TPO: variants seen among roughly 807,000 people sequenced by gnomAD.
TPO encodes thyroid peroxidase, also known as thyroid microsomal antigen.
In TPO, 78 loss-of-function variants were observed where a neutral mutation model predicts 96.9. That is an observed-to-expected ratio of 0.81 (90% CI 0.67 to 0.97). TPO has a LOEUF of 0.97. Among genes scored for constraint, TPO ranks in the 50% least tolerant of loss-of-function variants. The pLI, the probability that TPO is intolerant of heterozygous loss-of-function variation, is 0.00. For missense variants in TPO, 1,252 were observed against 1,274.8 expected (o/e 0.98, Z 0.27); for synonymous variants, 547 against 538.0 (o/e 1.02, Z -0.23).
chr2:1,531,240 C>A (rs1195971195), intron 15 of TPO, among the ~76,000 whole-genome samples: 9 of 130,212 alleles, frequency 6.9e-5, no homozygotes, highest in Non-Finnish European at 9.7e-5. Context: ...TGTGTGCAAC[C>A]GCCTCATATT....
At chr2:1,403,723 A>G (rs910313403) in intron 1 of TPO, among the ~76,000 whole-genome samples, 1 of 152,146 alleles carries the variant, frequency 6.6e-6, no homozygotes, top group Non-Finnish European at 1.5e-5. Context: ...CGGCTCACAG[A>G]TGGCTCCATC....
chr2:1,540,454 A>T, intron 15 of TPO, 140 bp from the exon 16 acceptor site: 1 of 1,577,140 alleles, frequency 6.3e-7, no homozygotes. Flanking sequence ...GACTTGACTG[A>T]AGTGTGAAAT....
rs1288017200 is a variant in TPO at position 1,542,496 on chromosome 2, C to T, written c.*22C>T. 4 of 1,613,902 alleles carry T rather than the reference C, an allele frequency of 2.5e-6. No individual in the cohort carries two copies. Among genetic ancestry groups the T allele is most frequent in the East Asian group, 2.2e-5 (1 of 44,890 alleles). On this transcript the variant is annotated 3_prime_UTR_variant, in exon 17 of 17. Coordinates refer to ENST00000329066, the MANE Select transcript of TPO (RefSeq NM_001206744.2). ...CTGAGGGCAAAGTGGCAGGACACTG[C>T]AGAACAGCTTCATGTTCCCAAAATC... is the stretch of plus-strand genomic sequence containing the variant.
At chr2:1,442,832 G>A (rs1666325643) in intron 5 of TPO, among the ~76,000 whole-genome samples, 1 of 152,190 alleles carries the variant, frequency 6.6e-6, no homozygotes, top group African/African-American at 2.4e-5. Flanking sequence ...GAGCAATAAT[G>A]ATACAAAGGT....
chr2:1,456,350 G>A (rs1667786226), intron 7 of TPO, 68 bp downstream of exon 7: 1 of 1,512,544 alleles, frequency 6.6e-7, no homozygotes. Context: ...CAAACAGAAT[G>A]GTATAAAACA....
intron 13 of TPO, 25 bp from the exon 14 acceptor site, chr2:1,503,923 G>A (rs371527142): frequency 1.7e-5 from 28 of 1,614,030 alleles, no homozygotes; most frequent in Admixed American, 8.3e-5. Flanking sequence ...TTCCTCTCAC[G>A]TGTGTGGCCT....
intron 7 of TPO, among the ~76,000 whole-genome samples, chr2:1,462,037 G>C (rs770941112): frequency 6.6e-6 from 1 of 152,198 alleles, no homozygotes; most frequent in Non-Finnish European, 1.5e-5. Flanking sequence ...GGCTCAGTTA[G>C]AGTGAGCCCG....
At position 1,529,276 on chromosome 2, in the gene TPO, C is replaced by A. The variant is rs1474523017; in HGVS notation, c.2619-11318C>A. Reference sequence around the variant, plus strand: ...CCCACTCTGTGCAACCTCCTCAAATCCCCCCACTGTGTGCAACCTCCCCAA... The same window carrying A: ...CCCACTCTGTGCAACCTCCTCAAATACCCCCACTGTGTGCAACCTCCCCAA... On this transcript the variant is annotated intron_variant, in intron 15 of 16. Coordinates refer to ENST00000329066, the MANE Select transcript of TPO (RefSeq NM_001206744.2). Among the ~76,000 whole-genome samples the A allele has an allele frequency of 1.6e-4, 16 of 97,280 alleles. No homozygotes were observed. The East Asian group carries it at 4.5e-3, about 27-fold the overall frequency. The allele number at this position is 97,280 out of a possible 152,430, so 63.8% of individuals were successfully genotyped here.
At chr2:1,497,081 G>A (rs1429124011) in intron 13 of TPO, among the ~76,000 whole-genome samples, 1 of 152,158 alleles carries the variant, frequency 6.6e-6, no homozygotes, top group Non-Finnish European at 1.5e-5. Flanking sequence ...TTTCTCAAAG[G>A]GAACACAGCA....
At chr2:1,535,325 TCCC>T (rs1232399040) in intron 15 of TPO, among the ~76,000 whole-genome samples, 3 of 45,676 alleles carry the variant, frequency 6.6e-5, no homozygotes, top group Admixed American at 3.4e-4. Context: ...CCTCCTCAAA[TCCC>T]CCCCACTGTA....
chr2:1,390,164 C>G (rs191240274), intron 1 of TPO, among the ~76,000 whole-genome samples: 1 of 152,070 alleles, frequency 6.6e-6, no homozygotes, highest in Non-Finnish European at 1.5e-5. Flanking sequence ...TGCTATCCCC[C>G]CCCAGCTCCC....
chr2:1,394,508 C>T (rs755756995), intron 1 of TPO, among the ~76,000 whole-genome samples: 11 of 152,320 alleles, frequency 7.2e-5, no homozygotes, highest in Admixed American at 4.6e-4. Context: ...GATCCAGACC[C>T]GCCGAACAGA....
At chr2:1,408,731 C>T (rs1223327900), upstream of TPO, among the ~76,000 whole-genome samples, 4 of 152,152 alleles carry the variant, frequency 2.6e-5, no homozygotes, top group Non-Finnish European at 5.9e-5. Context: ...GATGTTCAAT[C>T]GGCCTACTCA....
At chr2:1,487,756 A>C in intron 9 of TPO, 65 bp from the exon 10 acceptor site, 1 of 1,555,080 alleles carries the variant, frequency 6.4e-7, no homozygotes, top group Non-Finnish European at 8.8e-7. Context: ...AAAAAAATTG[A>C]GATATTGTTG....
At chr2:1,537,087 A>T (rs1347894826) in intron 15 of TPO, among the ~76,000 whole-genome samples, 4 of 32,904 alleles carry the variant, frequency 1.2e-4, no homozygotes, top group African/African-American at 4.5e-4. Context: ...ACCTCACCAA[A>T]TCCGTCCACT....
chr2:1,498,346 C>T (rs1057471539), intron 13 of TPO, among the ~76,000 whole-genome samples: 2 of 152,146 alleles, frequency 1.3e-5, no homozygotes, highest in Non-Finnish European at 2.9e-5. Context: ...GAGCCACCTT[C>T]CCATTAGAAG....
intron 7 of TPO, among the ~76,000 whole-genome samples, chr2:1,470,587 T>A (rs1669308043): frequency 6.6e-6 from 1 of 151,682 alleles, no homozygotes. Flanking sequence ...AAAACTGGGC[T>A]TGATATACAA....
chr2:1,537,565 A>AAC (rs1680097742), intron 15 of TPO, among the ~76,000 whole-genome samples: 1 of 30,902 alleles, frequency 3.2e-5, no homozygotes, highest in Non-Finnish European at 5.8e-5. Context: ...GAAATCCCCC[A>AAC]ACTGTGTTCA....
upstream of TPO, among the ~76,000 whole-genome samples, chr2:1,408,809 A>G (rs11211645): frequency 0.36 from 54,539 of 152,156 alleles, 10,452 homozygotes; most frequent in Admixed American, 0.48. Context: ...AGCATCCATC[A>G]GCAATTTAAT....
Sources: allele counts gnomAD v4.1 joint callset (sites outside exome capture counted in the v4.1 genomes callset), GRCh38; gene constraint gnomAD v4.1.1; transcripts MANE v1.5; gene names NCBI Gene and HGNC (gene_info 2026-07-23, HGNC 2026-07-21).